Variants in HSPG2 observed in about 807,000 individuals in gnomAD.
The protein encoded by HSPG2 is heparan sulfate proteoglycan 2, also known as basement membrane-specific heparan sulfate proteoglycan core protein.
Under a neutral mutation model 526.6 loss-of-function variants are expected in HSPG2, and 278 were observed. The observed-to-expected ratio is 0.53, with a 90% CI of 0.48 to 0.58. The LOEUF is 0.58. Ranked by LOEUF, HSPG2 falls within the 20% of genes least tolerant of loss-of-function variation. The probability of loss-of-function intolerance (pLI) is 0.00; values close to 1 mark genes in which losing one functional copy is unlikely to be tolerated. For missense variants in HSPG2, 5,354 were observed against 6,099.5 expected, an observed-to-expected ratio of 0.88 and a Z score of 4.07; for synonymous variants, 2,465 against 2,555.4, an observed-to-expected ratio of 0.96 and a Z score of 1.07.
chr1:21,827,971 A>G (rs1022580341), intron 90 of HSPG2, 52 bp from the exon 91 acceptor site: 2 of 1,611,374 alleles, frequency 1.2e-6, no homozygotes, highest in East Asian at 2.2e-5. Context: ...CGTGGGTACT[A>G]TGTCGAGCTC....
intron 3 of HSPG2, among the ~76,000 whole-genome samples, chr1:21,892,958 A>G (rs1454729378): frequency 6.6e-6 from 1 of 151,940 alleles, no homozygotes; most frequent in African/African-American, 2.4e-5. Flanking sequence ...CTGCCTTGGA[A>G]TAGGGGTGCT....
chr1:21,905,947 C>T (rs925363292), intron 1 of HSPG2, among the ~76,000 whole-genome samples: 3 of 152,178 alleles, frequency 2.0e-5, no homozygotes, highest in African/African-American at 4.8e-5. Context: ...GAGCTCGAGG[C>T]TGCAGTGAGC....
At chr1:21,901,009 G>A (rs781371276) in intron 1 of HSPG2, among the ~76,000 whole-genome samples, 6 of 152,128 alleles carry the variant, frequency 3.9e-5, no homozygotes, top group South Asian at 2.1e-4. Flanking sequence ...CAATATTACC[G>A]TTGTTTGATC....
Position 21,835,681 on chromosome 1 carries a change from T to C in HSPG2, c.10356-44A>G, listed in dbSNP as rs372167739. ...AAGACATCAGGGAGTTGAAAACAACTGATAGAATGCTTTGCAATTGGGCTG... is the reference window on the plus strand; with the variant it reads ...AAGACATCAGGGAGTTGAAAACAACCGATAGAATGCTTTGCAATTGGGCTG... On this transcript the variant is annotated intron_variant, in intron 75 of 96. Transcript: ENST00000374695. The C allele has an allele frequency of 4.2e-5, 61 of 1,468,014 alleles. No homozygotes were observed. The African/African-American group carries it at 7.8e-4, about 19-fold the overall frequency. The allele number at this position is 1,468,014 out of a possible 1,614,324, so 90.9% of individuals were successfully genotyped here. A position where few individuals can be genotyped will look rare whatever the true frequency, so the allele number is the denominator to read the frequency against.
In HSPG2 at chr1:21,863,683, C is replaced by T. The variant is rs911502177; in HGVS notation, c.4740+417G>A. On this transcript the variant is annotated intron_variant, in intron 37 of 96. Coordinates refer to ENST00000374695, the MANE Select transcript of HSPG2 (RefSeq NM_005529.7). ...ATTCACTTGAACCCAGGAGGCAGAACGAGACTGAGACCCTGTCTCAAAAAA... is the reference window on the plus strand; with the variant it reads ...ATTCACTTGAACCCAGGAGGCAGAATGAGACTGAGACCCTGTCTCAAAAAA... Among the ~76,000 whole-genome samples the T allele has an allele frequency of 5.4e-5, 8 of 147,376 alleles. No individual in the cohort carries two copies. The South Asian group carries it at 1.3e-3, about 24-fold the overall frequency.
chr1:21,850,467 G>T lies in HSPG2; in HGVS notation c.7190C>A (p.Ala2397Glu). 6.2e-7 allele frequency: 1 copy of T among 1,611,958 alleles called. No homozygotes were observed. The highest frequency in any genetic ancestry group is 8.5e-7 in the Non-Finnish European group (1 of 1,179,326). The part of the protein sequence containing the change: ...THGSLLRLYQ[A>E]SPADSGEYVC... ...GTACTCGCCCGAGTCGGCGGGGGAC[G>T]CTTGGTAGAGTCTCAGCAGGGAGCC... is the stretch of plus-strand genomic sequence containing the variant. Residue 2397 changes from alanine (A) to glutamate (E), a missense_variant, in exon 56 of 97, where the codon GCG becomes GAG. Ala to Glu is a moderately radical substitution (Grantham distance 107). Coordinates refer to ENST00000374695, the MANE Select transcript of HSPG2 (RefSeq NM_005529.7).
At chr1:21,892,605 T>A (rs1473204481) in intron 3 of HSPG2, among the ~76,000 whole-genome samples, 1 of 152,186 alleles carries the variant, frequency 6.6e-6, no homozygotes, top group African/African-American at 2.4e-5. Context: ...CTGGGTGCAG[T>A]GGCTCACGCC....
In HSPG2 at chr1:21,834,999, C is replaced by T. The variant is rs202077195; in HGVS notation, c.10454-54G>A. On this transcript the variant is annotated intron_variant, in intron 76 of 96. Coordinates refer to ENST00000374695, the MANE Select transcript of HSPG2 (RefSeq NM_005529.7). ...GAGATCAGTCACTGCAGGCCTGGCC[C>T]GAGGGAGGCCATAGACTGCCCAAGG... The T allele has an allele frequency of 4.5e-4, 720 of 1,596,378 alleles. 1 individual carries two copies. In the Middle Eastern group the frequency reaches 7.9e-3, roughly 18 times the overall value.
In HSPG2 at chr1:21,852,234, C is replaced by T; in HGVS notation, c.6725-1G>A. Reference sequence around the variant, plus strand: ...TCGATCCTGACAGGTGGGATGGGTCCTGCAGCAGTGGGGATGGGAGTGAGA... The same window carrying T: ...TCGATCCTGACAGGTGGGATGGGTCTTGCAGCAGTGGGGATGGGAGTGAGA... On this transcript the variant is annotated splice_acceptor_variant, in intron 52 of 96. Transcript: ENST00000374695. LOFTEE classifies it high-confidence loss of function. 6.2e-7 allele frequency: 1 copy of T among 1,614,020 alleles called. No homozygotes were observed. Among genetic ancestry groups the T allele is most frequent in the Non-Finnish European group, 8.5e-7 (1 of 1,180,030 alleles).
chr1:21,847,550 A>C lies in HSPG2; in HGVS notation c.8026-58T>G. 10 of 1,610,654 alleles carry C rather than the reference A, an allele frequency of 6.2e-6. No individual in the cohort carries two copies. The highest frequency in any genetic ancestry group is 8.5e-6 in the Non-Finnish European group (10 of 1,177,960). On this transcript the variant is annotated intron_variant, in intron 61 of 96. Transcript: ENST00000374695. The surrounding 1 kb of genome is among the most constrained non-coding windows in gnomAD (Gnocchi z 4.1). ...GGAGTGGAGGGACGCTGGGGTCACC[A>C]GCTGGCTCAGGCCTTCCTGCTCAGC...
chr1:21,922,681 G>A (rs1432886278), intron 1 of HSPG2, among the ~76,000 whole-genome samples: 1 of 152,130 alleles, frequency 6.6e-6, no homozygotes, highest in Non-Finnish European at 1.5e-5. Flanking sequence ...ACGTAAGGTG[G>A]AGCCTCTTGG....
In HSPG2 at chr1:21,885,359, C is replaced by G. The variant is rs1300325727; in HGVS notation, c.1171G>C (p.Glu391Gln). 1 of 1,614,018 alleles carries G rather than the reference C, an allele frequency of 6.2e-7. No homozygotes were observed. Among genetic ancestry groups the G allele is most frequent in the Admixed American group, 1.7e-5 (1 of 60,002 alleles). The change falls in exon 10 of 97, where the codon GAG becomes CAG. Residue 391 changes from glutamate (E) to glutamine (Q), a missense_variant. Coordinates refer to ENST00000374695, the MANE Select transcript of HSPG2 (RefSeq NM_005529.7). The part of the protein sequence containing the change: ...CIPASFHCDE[E>Q]SDCPDRSDEF... ...TCGCTCCGGTCAGGACAGTCGCTCTCCTCGTCACAGTGGAAGCTGGCTGGG... is the reference window on the plus strand; with the variant it reads ...TCGCTCCGGTCAGGACAGTCGCTCTGCTCGTCACAGTGGAAGCTGGCTGGG...
intron 78 of HSPG2, 97 bp from the exon 79 acceptor site, chr1:21,833,711 G>T (rs985176308): frequency 3.2e-6 from 5 of 1,573,788 alleles, no homozygotes; most frequent in Non-Finnish European, 4.4e-6. Flanking sequence ...AACATTGAGC[G>T]TTTGCTCTTG....
At chr1:21,863,068 A>ACAAAAAAAAAAAAC (rs1557740472) in intron 37 of HSPG2, among the ~76,000 whole-genome samples, 1 of 66,228 alleles carries the variant, frequency 1.5e-5, no homozygotes, top group Non-Finnish European at 2.9e-5. Flanking sequence ...CTCAAAAAAA[A>ACAAAAAAAAAAAAC]AAAAAAAAAA....
In HSPG2 at chr1:21,842,782, G is replaced by C. The variant is rs149203308; in HGVS notation, c.8898C>G (p.Pro2966=). 1.4e-5 allele frequency: 22 copies of C among 1,613,170 alleles called. No homozygotes were observed. The highest frequency in any genetic ancestry group is 1.8e-5 in the Non-Finnish European group (21 of 1,180,012). The change falls in exon 67 of 97, where the codon CCC becomes CCG. Residue 2966 remains proline (P), a synonymous_variant. Coordinates refer to ENST00000374695, the MANE Select transcript of HSPG2 (RefSeq NM_005529.7). ...VTWYKRGGSL[P]ARHQTHGSQL... ...CTGGCCCCTGTACCTGGTGCCGGGC[G>C]GGGAGGCTGCCCCCGCGCTTGTACC...
chr1:21,880,530 C>T lies in HSPG2; in HGVS notation c.2028G>A (p.Pro676=), dbSNP rs757167919. 6.3e-5 allele frequency: 102 copies of T among 1,613,426 alleles called. No individual in the cohort carries two copies. Among genetic ancestry groups the T allele is most frequent in the Middle Eastern group, 1.6e-4 (1 of 6,082 alleles). The change falls in exon 16 of 97, where the codon CCG becomes CCA. Residue 676 remains proline, a synonymous_variant. Coordinates refer to ENST00000374695, the MANE Select transcript of HSPG2 (RefSeq NM_005529.7). Reference sequence around the variant, plus strand: ...CCTGCAGCAGCTCCGCGCGCTGCACCGGCCGGCCAGACTCATGGACCCAGT... The same window carrying T: ...CCTGCAGCAGCTCCGCGCGCTGCACTGGCCGGCCAGACTCATGGACCCAGT... ...EEHWVHESGR[P]VQRAELLQVL...
rs999207055 is a variant in HSPG2 at position 21,823,229 on chromosome 1, A to C, written c.*87T>G. On this transcript the variant is annotated 3_prime_UTR_variant, in exon 97 of 97. Transcript: ENST00000374695. ...GCGTGGCATCGCCTCGGTTTCTTAC[A>C]AAAATTCATAATAATATTAATAATA... The C allele has an allele frequency of 7.9e-7, 1 of 1,269,948 alleles. No individual in the cohort carries two copies. Among genetic ancestry groups the C allele is most frequent in the African/African-American group, 1.5e-5 (1 of 66,046 alleles). 78.7% of individuals were successfully genotyped at this position (1,269,948 alleles called of 1,614,324 possible).
chr1:21,863,060 C>CAAAAACAAAAAAAAAAA (rs1423127350), intron 37 of HSPG2, among the ~76,000 whole-genome samples: 14 of 31,236 alleles, frequency 4.5e-4, no homozygotes, highest in South Asian at 1.8e-3. Flanking sequence ...GACTCCATCT[C>CAAAAACAAAAAAAAAAA]AAAAAAAAAA....
Position 21,937,221 on chromosome 1 carries a change from C to A in HSPG2, c.-4G>T. On this transcript the variant is annotated 5_prime_UTR_variant, in exon 1 of 97. Transcript: ENST00000374695. ...CGCCCGCCGCCCGCCACCCCATGGC[C>A]CGGCCCGCGCCGCTCTCTCGCTCGC... is the stretch of plus-strand genomic sequence containing the variant. 2.0e-6 allele frequency: 2 copies of A among 1,018,924 alleles called. No individual in the cohort carries two copies. The highest frequency in any genetic ancestry group is 2.4e-6 in the Non-Finnish European group (2 of 848,118). 63.1% of individuals were successfully genotyped at this position (1,018,924 alleles called of 1,614,324 possible).
Sources: gnomAD v4.1 joint callset for allele counts (sites outside exome capture counted in the v4.1 genomes callset) on GRCh38, gnomAD v4.1.1 for gene constraint, Gnocchi (gnomAD v3.1) non-coding constraint, MANE v1.5 for transcripts, NCBI Gene and HGNC (gene_info 2026-07-23, HGNC 2026-07-21) for gene names.